The following AGAP1 variants were observed in gnomAD, a reference collection of about 807,000 sequenced individuals.
The protein encoded by AGAP1 is arf-GAP with GTPase, ANK repeat and PH domain-containing protein 1.
AGAP1 carries 29 observed loss-of-function variants against 105.3 expected under a neutral mutation model. That is an observed-to-expected ratio of 0.28 (90% CI 0.21 to 0.38). AGAP1 has a LOEUF of 0.38. Among genes scored for constraint, AGAP1 ranks in the 10% least tolerant of loss-of-function variants. The pLI, the probability that AGAP1 is intolerant of heterozygous loss-of-function variation, is 1.00. For synonymous variants in AGAP1, 509 were observed against 485.9 expected (o/e 1.05, Z -0.63); for missense variants, 998 against 1,165.1 (o/e 0.86, Z 2.09).
intron 1 of AGAP1, among the ~76,000 whole-genome samples, chr2:235,562,037 A>G (rs1469442908): frequency 1.3e-5 from 2 of 152,220 alleles, no homozygotes; most frequent in Non-Finnish European, 2.9e-5. Flanking sequence ...TTAACAAATG[A>G]TGGCAAAATA....
intron 9 of AGAP1, among the ~76,000 whole-genome samples, chr2:235,808,508 G>T (rs995600851): frequency 6.6e-6 from 1 of 152,172 alleles, no homozygotes; most frequent in Non-Finnish European, 1.5e-5. Context: ...GTTAAATAGG[G>T]CCACAGCATC....
intron 1 of AGAP1, among the ~76,000 whole-genome samples, chr2:235,636,557 G>GC (rs1220065571): frequency 1.3e-5 from 2 of 152,004 alleles, no homozygotes; most frequent in Non-Finnish European, 2.9e-5. Flanking sequence ...CCTTCCAGAG[G>GC]CCCCCCAGCG....
At chr2:235,773,107 T>C (rs763010427) in intron 6 of AGAP1, among the ~76,000 whole-genome samples, 4 of 152,180 alleles carry the variant, frequency 2.6e-5, no homozygotes, top group Non-Finnish European at 4.4e-5. Context: ...AGAGATTTAT[T>C]GAAAACAAAA....
Position 235,829,834 on chromosome 2 carries a change from G to T in AGAP1, c.1050+22503G>T, listed in dbSNP as rs373958536. Among the ~76,000 whole-genome samples the T allele has an allele frequency of 1.3e-4, 20 of 152,274 alleles. 1 individual carries two copies. The highest frequency in any genetic ancestry group is 4.3e-4 in the African/African-American group (18 of 41,556). Reference sequence around the variant, plus strand: ...GCTGCTTGGCCCTGGGGAGTTTGCCGTGCAGGGGGTGGTCAAGGACCAGAG... The same window carrying T: ...GCTGCTTGGCCCTGGGGAGTTTGCCTTGCAGGGGGTGGTCAAGGACCAGAG... On this transcript the variant is annotated intron_variant, in intron 9 of 17. Transcript: ENST00000304032.
At chr2:235,649,476 C>T (rs1260376921) in intron 1 of AGAP1, among the ~76,000 whole-genome samples, 14 of 152,204 alleles carry the variant, frequency 9.2e-5, no homozygotes, top group African/African-American at 2.2e-4. Context: ...TGGGCATAAG[C>T]GATCCTCCCA....
At position 236,122,393 on chromosome 2, in the gene AGAP1, G is replaced by A. The variant is rs370566443; in HGVS notation, c.2371-1526G>A. Among the ~76,000 whole-genome samples, 8 of 152,204 alleles carry A rather than the reference G, an allele frequency of 5.3e-5. No homozygotes were observed. In the East Asian group the frequency reaches 7.7e-4, roughly 15 times the overall value. On this transcript the variant is annotated intron_variant, in intron 17 of 17. Transcript: ENST00000304032. ...AAACATGTGAATTGTTGGTGGGAGC[G>A]GGGGACACAGTTATAAATTACAGGC...
chr2:235,678,039 A>G (rs1948850726), intron 1 of AGAP1, among the ~76,000 whole-genome samples: 1 of 148,090 alleles, frequency 6.8e-6, no homozygotes, highest in Admixed American at 6.8e-5. Flanking sequence ...TTTCCTGTAC[A>G]GTAAGTGCTG....
At position 235,639,469 on chromosome 2, in the gene AGAP1, G is replaced by C. The variant is rs1041793181; in HGVS notation, c.164-69710G>C. Among the ~76,000 whole-genome samples, 2 of 152,158 alleles carry C rather than the reference G, an allele frequency of 1.3e-5. No homozygotes were observed. Among genetic ancestry groups the C allele is most frequent in the African/African-American group, 2.4e-5 (1 of 41,438 alleles). The stretch of plus-strand genomic sequence containing the variant: ...GGCTGGGAAGGGAATTTGTTTCTCT[G>C]GCCAGAGCTGTTGCTCAGCGACTGT... On this transcript the variant is annotated intron_variant, in intron 1 of 17. Transcript: ENST00000304032. This position sits in a 1 kb window ranked among gnomAD's most constrained non-coding sequence, Gnocchi z 5.3.
rs2053823498 is a variant in AGAP1 at position 235,953,411 on chromosome 2, G to T, written c.1484-15051G>T. ...TTTTATTCTCCAAAATGTTCAGACT[G>T]CAAGGATATTTCATACAGATTTGTT... On this transcript the variant is annotated intron_variant, in intron 12 of 17. Transcript: ENST00000304032. This position sits in a 1 kb window ranked among gnomAD's most constrained non-coding sequence, Gnocchi z 5.2. Among the ~76,000 whole-genome samples, 1 of 152,298 alleles carries T rather than the reference G, an allele frequency of 6.6e-6. No individual in the cohort carries two copies. Among genetic ancestry groups the T allele is most frequent in the Admixed American group, 6.5e-5 (1 of 15,300 alleles).
At chr2:235,516,729 G>T (rs1942404010) in intron 1 of AGAP1, among the ~76,000 whole-genome samples, 2 of 152,186 alleles carry the variant, frequency 1.3e-5, no homozygotes, top group Non-Finnish European at 2.9e-5. Flanking sequence ...GTGAGTGCAT[G>T]CGGGTCCACT....
intron 16 of AGAP1, among the ~76,000 whole-genome samples, chr2:236,111,367 T>A (rs1260982982): frequency 4.7e-5 from 7 of 150,068 alleles, no homozygotes; most frequent in African/African-American, 1.5e-4. Flanking sequence ...AAAAAAAAAA[T>A]TATGCAGGCA....
intron 9 of AGAP1, among the ~76,000 whole-genome samples, chr2:235,811,741 G>A (rs143699697): frequency 5.3e-5 from 8 of 152,318 alleles, no homozygotes; most frequent in Admixed American, 1.3e-4. Flanking sequence ...CCCCCGGCCC[G>A]GCCCAGCTCT....
intron 1 of AGAP1, among the ~76,000 whole-genome samples, chr2:235,648,884 CAA>C (rs34285333): frequency 4.3e-5 from 6 of 139,576 alleles, no homozygotes; most frequent in African/African-American, 5.2e-5. Flanking sequence ...GAGACTGTCT[CAA>C]AAAAAAAAAA....
At chr2:235,603,058 T>C (rs1247097905) in intron 1 of AGAP1, among the ~76,000 whole-genome samples, 1 of 152,186 alleles carries the variant, frequency 6.6e-6, no homozygotes, top group African/African-American at 2.4e-5. Flanking sequence ...AAATCTCATC[T>C]TGAATTATAG....
intron 13 of AGAP1, among the ~76,000 whole-genome samples, chr2:235,990,869 A>G (rs2055536841): frequency 6.6e-6 from 1 of 152,238 alleles, no homozygotes; most frequent in Admixed American, 6.5e-5. Flanking sequence ...ATTGTGATCA[A>G]CACAATGGAA....
chr2:235,968,755 G>C (rs998888818), intron 13 of AGAP1, 132 bp downstream of exon 13: 35 of 953,208 alleles, frequency 3.7e-5, no homozygotes, highest in Non-Finnish European at 4.7e-5. Flanking sequence ...TGTGCTTTCT[G>C]TTTGCAAGGT....
chr2:235,775,422 G>C (rs1439492867), intron 6 of AGAP1, among the ~76,000 whole-genome samples: 2 of 152,170 alleles, frequency 1.3e-5, no homozygotes, highest in East Asian at 3.9e-4. Flanking sequence ...GTGTAATGAC[G>C]TCCTTTCCAG....
At chr2:235,816,439 A>G (rs1314663166) in intron 9 of AGAP1, among the ~76,000 whole-genome samples, 1 of 32,696 alleles carries the variant, frequency 3.1e-5, no homozygotes, top group African/African-American at 8.4e-5. Context: ...CTCCGTCTCA[A>G]AAAAAAAAAA....
At chr2:235,968,701 G>T in intron 13 of AGAP1, 78 bp downstream of exon 13, 1 of 1,451,088 alleles carries the variant, frequency 6.9e-7, no homozygotes, top group Admixed American at 2.1e-5. Flanking sequence ...CGTGAAATTA[G>T]ACACCCTTAG....
Sources: gnomAD v4.1 joint callset for allele counts (sites outside exome capture counted in the v4.1 genomes callset) on GRCh38, gnomAD v4.1.1 for gene constraint, Gnocchi (gnomAD v3.1) non-coding constraint, MANE v1.5 for transcripts, NCBI Gene and HGNC (gene_info 2026-07-23, HGNC 2026-07-21) for gene names.